Variants in PUM1 observed in about 807,000 individuals in gnomAD.
The protein encoded by PUM1 is pumilio RNA binding family member 1, also known as pumilio homolog 1.
In PUM1, 13 loss-of-function variants were observed where a neutral mutation model predicts 131.8. The ratio of observed to expected loss-of-function variants is 0.10; its 90% CI spans 0.06 to 0.16. The LOEUF (loss-of-function observed/expected upper bound fraction) is 0.16. Among genes scored for constraint, PUM1 ranks in the 10% least tolerant of loss-of-function variants. The probability of loss-of-function intolerance (pLI) is 1.00; values close to 1 mark genes in which losing one functional copy is unlikely to be tolerated. For missense variants in PUM1, 961 were observed against 1,512.4 expected (o/e 0.64, Z 6.05); for synonymous variants, 509 against 556.5 (o/e 0.91, Z 1.20).
At chr1:30,970,296 T>C (rs1640821187) in intron 10 of PUM1, among the ~76,000 whole-genome samples, 1 of 152,186 alleles carries the variant, frequency 6.6e-6, no homozygotes, top group Non-Finnish European at 1.5e-5. Flanking sequence ...AATTAAATAT[T>C]TGTTAAGTGA....
At chr1:30,993,622 A>G (rs972496156) in intron 6 of PUM1, among the ~76,000 whole-genome samples, 5 of 151,872 alleles carry the variant, frequency 3.3e-5, no homozygotes, top group Admixed American at 1.3e-4. Context: ...TCTTTCTCTC[A>G]CTCACACACT....
intron 2 of PUM1, among the ~76,000 whole-genome samples, chr1:31,056,835 T>C (rs1644252578): frequency 6.6e-6 from 1 of 150,968 alleles, no homozygotes; most frequent in Non-Finnish European, 1.5e-5. Context: ...ACCCATTGCC[T>C]AGGCTGGAGT....
At chr1:31,001,054 G>GT (rs201603059) in intron 5 of PUM1, among the ~76,000 whole-genome samples, 3,234 of 152,284 alleles carry the variant, frequency 0.021, 79 homozygotes, top group East Asian at 0.099. Context: ...GGGCATGGTG[G>GT]TGGGCGCCTG....
intron 3 of PUM1, among the ~76,000 whole-genome samples, chr1:31,015,103 T>C (rs1178162815): frequency 6.6e-6 from 1 of 152,232 alleles, no homozygotes; most frequent in East Asian, 1.9e-4. Flanking sequence ...ATGTAAAGAC[T>C]GCTTCTCCTC....
At chr1:31,053,488 T>A (rs1011959862) in intron 2 of PUM1, among the ~76,000 whole-genome samples, 3 of 149,064 alleles carry the variant, frequency 2.0e-5, no homozygotes, top group African/African-American at 7.4e-5. Context: ...TTTTTTTTTT[T>A]TGAGACAGGG....
At chr1:30,955,855 G>C (rs1640142652) in intron 14 of PUM1, among the ~76,000 whole-genome samples, 1 of 152,218 alleles carries the variant, frequency 6.6e-6, no homozygotes, top group Non-Finnish European at 1.5e-5. Flanking sequence ...ACTCAATGCA[G>C]AAATTTGTAA....
intron 17 of PUM1, chr1:30,949,321 GCAC>G: frequency 3.0e-6 from 1 of 334,106 alleles, no homozygotes. Context: ...CACAACTGTA[GCAC>G]ACCCTGCCTG....
chr1:30,951,152 G>A (rs1358471344), intron 16 of PUM1, among the ~76,000 whole-genome samples: 1 of 152,100 alleles, frequency 6.6e-6, no homozygotes, highest in Non-Finnish European at 1.5e-5. Context: ...TCTCCCAAGG[G>A]AAACTAAGAT....
chr1:31,005,639 CAT>C (rs1642372929), intron 5 of PUM1, among the ~76,000 whole-genome samples: 1 of 152,154 alleles, frequency 6.6e-6, no homozygotes, highest in Non-Finnish European at 1.5e-5. Flanking sequence ...CCCACCAAAA[CAT>C]TATTACTTTA....
chr1:30,968,647 A>C (rs1570156139), intron 10 of PUM1, among the ~76,000 whole-genome samples, 155 bp from the exon 11 acceptor site: 2 of 152,380 alleles, frequency 1.3e-5, no homozygotes, highest in East Asian at 3.9e-4. Context: ...AAATTCAATT[A>C]ATAACATTTC....
At chr1:30,983,186 T>A (rs74063608) in intron 7 of PUM1, among the ~76,000 whole-genome samples, 3,212 of 152,302 alleles carry the variant, frequency 0.021, 124 homozygotes, top group African/African-American at 0.072. Context: ...CAGTATTCCC[T>A]CCAACAGGAG....
intron 14 of PUM1, 57 bp from the exon 15 acceptor site, chr1:30,954,038 G>T: frequency 6.5e-7 from 1 of 1,547,738 alleles, no homozygotes; most frequent in South Asian, 1.2e-5. Flanking sequence ...TCATTCAAGA[G>T]AGAAAAAAGC....
chr1:31,018,571 T>C (rs999807848), intron 3 of PUM1, among the ~76,000 whole-genome samples: 1 of 152,040 alleles, frequency 6.6e-6, no homozygotes, highest in African/African-American at 2.4e-5. Context: ...GACAGGAGAA[T>C]TGCTTGAACC....
intron 6 of PUM1, among the ~76,000 whole-genome samples, 190 bp from the exon 7 acceptor site, chr1:30,992,850 G>C (rs145981586): frequency 6.6e-6 from 1 of 152,070 alleles, no homozygotes; most frequent in African/African-American, 2.4e-5. Flanking sequence ...TTCTATTGCC[G>C]GCAATTCCAT....
rs559511531 is a variant in PUM1 at position 31,055,239 on chromosome 1, C to T, written c.363+3965G>A. On this transcript the variant is annotated intron_variant, in intron 2 of 21. Coordinates refer to ENST00000426105, the MANE Select transcript of PUM1 (RefSeq NM_001020658.2). Reference sequence around the variant, plus strand: ...AATTATGCTACCCTTAGCACAGCTGCCTATCAAGTGGCCTCTACCTGTTGC... The same window carrying T: ...AATTATGCTACCCTTAGCACAGCTGTCTATCAAGTGGCCTCTACCTGTTGC... 236 of 428,992 alleles carry T rather than the reference C, an allele frequency of 5.5e-4. 8 individuals are homozygous for T. The highest frequency in any genetic ancestry group is 4.0e-3 in the South Asian group (235 of 59,196). The allele number at this position is 428,992 out of a possible 1,614,324, so 26.6% of individuals were successfully genotyped here.
At chr1:31,049,823 CT>C (rs773718125) in intron 2 of PUM1, among the ~76,000 whole-genome samples, 1,072 of 79,934 alleles carry the variant, frequency 0.013, 10 homozygotes, top group East Asian at 0.033. Flanking sequence ...ACTGAACTTC[CT>C]TTTTTTTTTT....
chr1:31,015,791 A>G (rs1570276959), intron 3 of PUM1, among the ~76,000 whole-genome samples: 1 of 148,688 alleles, frequency 6.7e-6, no homozygotes, highest in East Asian at 2.0e-4. Context: ...CTCCTGCCTC[A>G]GCCTCCGGAG....
chr1:31,045,614 G>A (rs6698832), intron 2 of PUM1, among the ~76,000 whole-genome samples: 104,946 of 151,996 alleles, frequency 0.69, 37,637 homozygotes, highest in East Asian at 0.87. Flanking sequence ...GAATAAAAAT[G>A]AATTTAAAAA....
rs142066604 is a variant in PUM1 at position 31,054,391 on chromosome 1, A to G, written c.363+4813T>C. Among the ~76,000 whole-genome samples, 116 of 152,190 alleles carry G rather than the reference A, an allele frequency of 7.6e-4. 1 individual carries two copies. Among genetic ancestry groups the G allele is most frequent in the African/African-American group, 2.6e-3 (110 of 41,542 alleles). ...AAATGGGAGTAATTACGAGAGAAAT[A>G]AAGTACCTGGCATGACAAAGAGTTC... On this transcript the variant is annotated intron_variant, in intron 2 of 21. Transcript: ENST00000426105.
Sources: gnomAD v4.1 joint callset for allele counts (sites outside exome capture counted in the v4.1 genomes callset) on GRCh38, gnomAD v4.1.1 for gene constraint, MANE v1.5 for transcripts, NCBI Gene and HGNC (gene_info 2026-07-23, HGNC 2026-07-21) for gene names.